The following CFDP1 variants were observed in gnomAD, a reference collection of about 807,000 sequenced individuals.
CFDP1 encodes the protein chromatin remodeling protein CFDP1, also known as heterochromatin-stabilizing protein CFDP1.
In CFDP1, 31 loss-of-function variants were observed where a neutral mutation model predicts 40.1. That is an observed-to-expected ratio of 0.77 (90% CI 0.58 to 1.04). The LOEUF is 1.04. Among genes scored for constraint, CFDP1 ranks in the 50% least tolerant of loss-of-function variants. The probability of loss-of-function intolerance (pLI) is 0.00; values close to 1 mark genes in which losing one functional copy is unlikely to be tolerated. For missense variants in CFDP1, 423 were observed against 343.4 expected (o/e 1.23, Z -1.83); for synonymous variants, 167 against 120.0 (o/e 1.39, Z -2.56).
intron 1 of CFDP1, among the ~76,000 whole-genome samples, chr16:75,432,370 TAAAAAAAAAAAA>T (rs55961935): frequency 9.5e-6 from 1 of 105,582 alleles, no homozygotes; most frequent in African/African-American, 3.6e-5. Flanking sequence ...ATGCCATTTC[TAAAAAAAAAAAA>T]AAAAAAAAAA....
intron 4 of CFDP1, among the ~76,000 whole-genome samples, chr16:75,400,882 T>G (rs1267178707): frequency 1.3e-5 from 2 of 152,170 alleles, no homozygotes; most frequent in African/African-American, 4.8e-5. Flanking sequence ...TCAATTCTAC[T>G]AATATGAATC....
chr16:75,397,508 A>C (rs1272655614), intron 4 of CFDP1, among the ~76,000 whole-genome samples: 1 of 148,564 alleles, frequency 6.7e-6, no homozygotes, highest in Non-Finnish European at 1.5e-5. Context: ...TCCGTCTCAA[A>C]AAGAAAACAA....
intron 5 of CFDP1, among the ~76,000 whole-genome samples, chr16:75,326,981 C>T (rs1302119153): frequency 2.6e-5 from 4 of 152,144 alleles, no homozygotes; most frequent in Admixed American, 6.5e-5. Flanking sequence ...TCTATCAAAA[C>T]GGGAATAGGC....
intron 5 of CFDP1, among the ~76,000 whole-genome samples, chr16:75,365,643 G>GGAGGATCACTTGAGGCCGC (rs1364803367): frequency 6.6e-6 from 1 of 152,168 alleles, no homozygotes; most frequent in African/African-American, 2.4e-5. Context: ...CTTGAGGCCA[G>GGAGGATCACTTGAGGCCGC]GAGGATCACT....
intron 1 of CFDP1, among the ~76,000 whole-genome samples, chr16:75,416,729 CAGAGCA>C (rs2079210392): frequency 6.6e-6 from 1 of 151,594 alleles, no homozygotes; most frequent in Non-Finnish European, 1.5e-5. Context: ...GCCTGGGTAA[CAGAGCA>C]AGACCCTGTC....
intron 5 of CFDP1, among the ~76,000 whole-genome samples, chr16:75,358,304 C>T (rs1348562209): frequency 6.6e-6 from 1 of 152,120 alleles, no homozygotes; most frequent in Non-Finnish European, 1.5e-5. Context: ...CAGTAAAGCA[C>T]AGTGCCATCA....
chr16:75,306,894 C>G (rs1238880649), intron 5 of CFDP1, among the ~76,000 whole-genome samples: 1 of 144,428 alleles, frequency 6.9e-6, no homozygotes, highest in Non-Finnish European at 1.5e-5. Flanking sequence ...CACACACACA[C>G]ACACACACGC....
intron 5 of CFDP1, among the ~76,000 whole-genome samples, chr16:75,312,856 C>T (rs1358533350): frequency 1.3e-5 from 2 of 152,158 alleles, no homozygotes; most frequent in Non-Finnish European, 2.9e-5. Flanking sequence ...TTCCCAAAAG[C>T]AGTAGAGGTA....
At chr16:75,424,183 G>T (rs960830557) in intron 1 of CFDP1, among the ~76,000 whole-genome samples, 1 of 152,142 alleles carries the variant, frequency 6.6e-6, no homozygotes, top group Non-Finnish European at 1.5e-5. Context: ...ATCTCTGAGG[G>T]ACAATATATG....
chr16:75,315,938 T>C (rs2078320999), intron 5 of CFDP1, among the ~76,000 whole-genome samples: 1 of 152,238 alleles, frequency 6.6e-6, no homozygotes. Context: ...GTTTCTTTAG[T>C]CTCCTTTAAT....
At chr16:75,403,427 C>T (rs530010669) in intron 4 of CFDP1, among the ~76,000 whole-genome samples, 2 of 152,138 alleles carry the variant, frequency 1.3e-5, no homozygotes, top group African/African-American at 4.8e-5. Context: ...CCATGTTGCC[C>T]AGGCTGGTCT....
intron 5 of CFDP1, among the ~76,000 whole-genome samples, chr16:75,324,248 A>C (rs934662144): frequency 1.3e-5 from 2 of 152,130 alleles, no homozygotes; most frequent in African/African-American, 2.4e-5. Context: ...CTGAGAGTTG[A>C]AGGATGAGAA....
chr16:75,339,290 A>G (rs573694076), intron 5 of CFDP1, among the ~76,000 whole-genome samples: 60 of 152,230 alleles, frequency 3.9e-4, no homozygotes, highest in African/African-American at 1.3e-3. Context: ...CAACCCTTTA[A>G]TGAGGTTCTA....
At chr16:75,397,622 G>T (rs1166271195) in intron 4 of CFDP1, among the ~76,000 whole-genome samples, 1 of 152,026 alleles carries the variant, frequency 6.6e-6, no homozygotes, top group Non-Finnish European at 1.5e-5. Flanking sequence ...CCAACATGGT[G>T]AAACCCTGTC....
At chr16:75,327,982 G>T (rs1047072662) in intron 5 of CFDP1, among the ~76,000 whole-genome samples, 1 of 151,786 alleles carries the variant, frequency 6.6e-6, no homozygotes, top group Non-Finnish European at 1.5e-5. Flanking sequence ...CGCCTGCCTC[G>T]GCCTCCCAAA....
chr16:75,401,912 C>T (rs1399355481), intron 4 of CFDP1, among the ~76,000 whole-genome samples: 1 of 152,110 alleles, frequency 6.6e-6, no homozygotes, highest in Admixed American at 6.5e-5. Context: ...AACAGCCAAC[C>T]ATGAAAGCAA....
At chr16:75,331,844 G>C (rs577070065) in intron 5 of CFDP1, among the ~76,000 whole-genome samples, 58 of 152,254 alleles carry the variant, frequency 3.8e-4, no homozygotes, top group African/African-American at 1.4e-3. Flanking sequence ...GAATTGCTGG[G>C]TCATAGAGTG....
At chr16:75,425,730 AT>A (rs1434698351) in intron 1 of CFDP1, among the ~76,000 whole-genome samples, 1 of 151,422 alleles carries the variant, frequency 6.6e-6, no homozygotes, top group Non-Finnish European at 1.5e-5. Context: ...ATGATAACTG[AT>A]TTTTTAAAAA....
intron 5 of CFDP1, among the ~76,000 whole-genome samples, chr16:75,352,861 C>T (rs1208034052): frequency 6.6e-6 from 1 of 151,998 alleles, no homozygotes; most frequent in African/African-American, 2.4e-5. Context: ...AAAAAGAAAA[C>T]CAGACCTTAT....
Sources: gnomAD v4.1 joint callset for allele counts (sites outside exome capture counted in the v4.1 genomes callset) on GRCh38, gnomAD v4.1.1 for gene constraint, MANE v1.5 for transcripts, NCBI Gene and HGNC (gene_info 2026-07-23, HGNC 2026-07-21) for gene names.